Variants in GPATCH2L observed in about 807,000 individuals in gnomAD.
The protein encoded by GPATCH2L is G-patch domain containing 2 like, also known as G patch domain-containing protein 2-like.
Under a neutral mutation model 57.4 loss-of-function variants are expected in GPATCH2L, and 31 were observed. The observed-to-expected ratio is 0.54, with a 90% CI of 0.41 to 0.73. The LOEUF (loss-of-function observed/expected upper bound fraction) is 0.73, where lower values mean the gene tolerates loss of function less well. Among genes scored for constraint, GPATCH2L ranks in the 30% least tolerant of loss-of-function variants. The pLI, the probability that GPATCH2L is intolerant of heterozygous loss-of-function variation, is 0.00. For missense variants in GPATCH2L, 481 were observed against 599.9 expected (o/e 0.80, Z 2.07); for synonymous variants, 199 against 210.7 (o/e 0.94, Z 0.48).
rs916965485 is a variant in GPATCH2L at position 76,209,564 on chromosome 14, T to G, written c.*7713T>G. 2 of 152,340 alleles carry G rather than the reference T, an allele frequency of 1.3e-5. No individual in the cohort carries two copies. The highest frequency in any genetic ancestry group is 2.9e-5 in the Non-Finnish European group (2 of 68,156). 9.4% of individuals were successfully genotyped at this position (152,340 alleles called of 1,614,324 possible). A position where few individuals can be genotyped will look rare whatever the true frequency, so the allele number is the denominator to read the frequency against. ...CTCTTCTGCTTTCTCCTCTTCCGGG[T>G]CTTGGACTGGTAAGGGGGCCTGTGC... is the stretch of plus-strand genomic sequence containing the variant. On this transcript the variant is annotated 3_prime_UTR_variant, in exon 10 of 10. Transcript: ENST00000261530.
At chr14:76,155,285 A>G (rs2038253650) in intron 2 of GPATCH2L, among the ~76,000 whole-genome samples, 1 of 152,272 alleles carries the variant, frequency 6.6e-6, no homozygotes, top group Non-Finnish European at 1.5e-5. Flanking sequence ...TGCAAAACTA[A>G]TAATTTTATT....
chr14:76,197,826 T>C (rs2040202470), intron 9 of GPATCH2L, among the ~76,000 whole-genome samples: 1 of 152,226 alleles, frequency 6.6e-6, no homozygotes, highest in Non-Finnish European at 1.5e-5. Flanking sequence ...CCTTGTGTCA[T>C]TCTTTATAGG....
chr14:76,163,269 C>T (rs765689807), intron 2 of GPATCH2L, among the ~76,000 whole-genome samples: 2 of 152,114 alleles, frequency 1.3e-5, no homozygotes, highest in Non-Finnish European at 2.9e-5. Context: ...GTAGAAGCAG[C>T]ATAATAATTA....
downstream of GPATCH2L, among the ~76,000 whole-genome samples, chr14:76,218,669 T>C (rs1250265180): frequency 1.3e-5 from 2 of 151,752 alleles, no homozygotes; most frequent in African/African-American, 4.8e-5. Flanking sequence ...AATTCTAAAG[T>C]TCATATTAAA....
intron 6 of GPATCH2L, 85 bp from the exon 7 acceptor site, chr14:76,177,903 C>G (rs2039402185): frequency 6.3e-7 from 1 of 1,593,786 alleles, no homozygotes; most frequent in African/African-American, 1.3e-5. Flanking sequence ...TTCTGGTTAC[C>G]ATCAGCTGGG....
intron 8 of GPATCH2L, among the ~76,000 whole-genome samples, chr14:76,190,209 T>C (rs2039916912): frequency 6.6e-6 from 1 of 152,106 alleles, no homozygotes; most frequent in Non-Finnish European, 1.5e-5. Flanking sequence ...TCACCTGATC[T>C]TTCAGTTACC....
At chr14:76,197,336 T>C (rs560123677) in intron 9 of GPATCH2L, among the ~76,000 whole-genome samples, 121 of 152,346 alleles carry the variant, frequency 7.9e-4, no homozygotes, top group Non-Finnish European at 1.4e-3. Context: ...CCTTAATATC[T>C]AGCTTTTATT....
Position 76,170,644 on chromosome 14 carries a change from A to T in GPATCH2L, c.728-1199A>T, listed in dbSNP as rs527670851. On this transcript the variant is annotated intron_variant, in intron 3 of 9. Coordinates refer to ENST00000261530, the MANE Select transcript of GPATCH2L (RefSeq NM_017926.4). ...AGATGATTTCTGTCCCATTAATGAG[A>T]TACCAACGATAAATGAAGTATGGAC... The T allele has an allele frequency of 7.9e-5, 12 of 152,196 alleles. No individual in the cohort carries two copies. The South Asian group carries it at 2.5e-3, about 32-fold the overall frequency. The allele number at this position is 152,196 out of a possible 1,614,324, so 9.4% of individuals were successfully genotyped here. A position where few individuals can be genotyped will look rare whatever the true frequency, so the allele number is the denominator to read the frequency against.
intron 5 of GPATCH2L, 153 bp downstream of exon 5, chr14:76,173,778 G>A (rs1055213400): frequency 1.0e-5 from 6 of 586,340 alleles, no homozygotes; most frequent in Non-Finnish European, 1.9e-5. Flanking sequence ...TGAACATTAT[G>A]TAGAATGTGA....
Position 76,213,357 on chromosome 14 carries a change from A to G in GPATCH2L, c.*11506A>G, listed in dbSNP as rs1316934727. On this transcript the variant is annotated 3_prime_UTR_variant, in exon 10 of 10. Transcript: ENST00000261530. ...AAAATGACATCAAAAGAAATCTAAT[A>G]TAACAATTGTCATAGAAGAAATGAA... The G allele has an allele frequency of 3.3e-5, 5 of 152,198 alleles. No homozygotes were observed. Among genetic ancestry groups the G allele is most frequent in the Non-Finnish European group, 7.4e-5 (5 of 68,026 alleles). 9.4% of individuals were successfully genotyped at this position (152,198 alleles called of 1,614,324 possible).
At chr14:76,230,672 T>C (rs1250271242) in intron 2 of GPATCH2L, among the ~76,000 whole-genome samples, 3 of 152,214 alleles carry the variant, frequency 2.0e-5, no homozygotes, top group Admixed American at 6.5e-5. Context: ...TCTTCTAAAA[T>C]CTTCTGTTCT....
intron 1 of GPATCH2L, among the ~76,000 whole-genome samples, chr14:76,222,468 G>A (rs760328523): frequency 9.9e-5 from 15 of 151,804 alleles, no homozygotes; most frequent in African/African-American, 2.9e-4. Flanking sequence ...TTAGCTGAGC[G>A]TGGTGGCGTG....
intron 2 of GPATCH2L, among the ~76,000 whole-genome samples, chr14:76,231,390 G>A (rs886524338): frequency 3.3e-5 from 5 of 152,070 alleles, no homozygotes; most frequent in Admixed American, 2.0e-4. Context: ...TCCTCACTTT[G>A]TTTCTTCTTC....
chr14:76,192,547 C>T (rs534099196), intron 8 of GPATCH2L, among the ~76,000 whole-genome samples: 15 of 152,056 alleles, frequency 9.9e-5, no homozygotes, highest in African/African-American at 3.4e-4. Context: ...TCATTGATAC[C>T]CTAGTTTCTT....
intron 8 of GPATCH2L, among the ~76,000 whole-genome samples, chr14:76,190,913 G>C (rs1023937587): frequency 6.6e-6 from 1 of 152,134 alleles, no homozygotes; most frequent in Non-Finnish European, 1.5e-5. Context: ...TGAGAATGAA[G>C]TTTTAACTTG....
intron 1 of GPATCH2L, among the ~76,000 whole-genome samples, chr14:76,227,595 G>A (rs540739633): frequency 7.2e-5 from 11 of 152,298 alleles, no homozygotes; most frequent in East Asian, 1.9e-4. Flanking sequence ...TGTGAATTGC[G>A]TAACACGAAA....
In GPATCH2L at chr14:76,209,871, T is replaced by A. The variant is rs1447427793; in HGVS notation, c.*8020T>A. ...GATCTGATTAGTAGTCATATGCCTGTGTCCTGGCTAGGAAGTCAGAATGAG... is the reference window on the plus strand; with the variant it reads ...GATCTGATTAGTAGTCATATGCCTGAGTCCTGGCTAGGAAGTCAGAATGAG... On this transcript the variant is annotated 3_prime_UTR_variant, in exon 10 of 10. Transcript: ENST00000261530. 3 of 152,184 alleles carry A rather than the reference T, an allele frequency of 2.0e-5. No homozygotes were observed. Among genetic ancestry groups the A allele is most frequent in the South Asian group, 4.1e-4 (2 of 4,828 alleles). 9.4% of individuals were successfully genotyped at this position (152,184 alleles called of 1,614,324 possible).
intron 2 of GPATCH2L, among the ~76,000 whole-genome samples, chr14:76,164,138 A>G (rs2038722301): frequency 6.6e-6 from 1 of 152,120 alleles, no homozygotes; most frequent in Non-Finnish European, 1.5e-5. Context: ...TGTTGCTTCT[A>G]TGGGATGTTG....
chr14:76,156,344 C>T (rs1009246701), intron 2 of GPATCH2L, among the ~76,000 whole-genome samples: 1 of 152,198 alleles, frequency 6.6e-6, no homozygotes, highest in Non-Finnish European at 1.5e-5. Flanking sequence ...CTGTTTAGGT[C>T]TGTATACCTG....
Sources: allele counts gnomAD v4.1 joint callset (sites outside exome capture counted in the v4.1 genomes callset), GRCh38; gene constraint gnomAD v4.1.1; transcripts MANE v1.5; gene names NCBI Gene and HGNC (gene_info 2026-07-23, HGNC 2026-07-21).